ATP2C2: variants seen among roughly 807,000 people sequenced by gnomAD.
The protein encoded by ATP2C2 is calcium-transporting ATPase type 2C member 2.
In ATP2C2, 171 loss-of-function variants were observed where a neutral mutation model predicts 110.8. The ratio of observed to expected loss-of-function variants is 1.54; its 90% CI spans 1.36 to 1.75. The LOEUF (loss-of-function observed/expected upper bound fraction) is 1.75. Among genes scored for constraint, ATP2C2 ranks in the 40% most tolerant of loss-of-function variants. ATP2C2 has a pLI of 0.00. For synonymous variants in ATP2C2, 804 were observed against 508.4 expected (o/e 1.58, Z -7.82); for missense variants, 1,963 against 1,235.0 (o/e 1.59, Z -8.84).
rs1002504471 is a variant in ATP2C2, at chr16:84,408,473, G to C, written c.396G>C (p.Glu132Asp). 1.9e-6 allele frequency: 3 copies of C among 1,613,386 alleles called. No individual in the cohort carries two copies. The highest frequency in any genetic ancestry group is 2.7e-5 in the African/African-American group (2 of 74,870). The change falls in exon 4 of 27, where the codon GAG becomes GAC. Residue 132 changes from glutamate to aspartate, a missense_variant. Glu to Asp is a conservative substitution (Grantham distance 45). Transcript: ENST00000262429. ...ALVSVLTKEYEDAVSIATAVL... is the reference protein window; with the variant it reads ...ALVSVLTKEYDDAVSIATAVL... ...TGAGTGTCCTCACCAAGGAGTATGA[G>C]GACGCCGTCAGCATCGCCACGGTGA...
At chr16:84,383,787 GTTTT>G (rs58587781) in intron 1 of ATP2C2, among the ~76,000 whole-genome samples, 7,359 of 100,602 alleles carry the variant, frequency 0.073, 277 homozygotes, top group Middle Eastern at 0.098. Flanking sequence ...GGTTTTGTTG[GTTTT>G]TTTTTTTTTT....
At chr16:84,444,980 A>G (rs1909610149) in intron 15 of ATP2C2, among the ~76,000 whole-genome samples, 1 of 152,122 alleles carries the variant, frequency 6.6e-6, no homozygotes, top group African/African-American at 2.4e-5. Context: ...GAAATAAAAC[A>G]CCACTGGCTG....
intron 11 of ATP2C2, among the ~76,000 whole-genome samples, chr16:84,435,162 C>T (rs1246466988): frequency 1.3e-5 from 2 of 152,192 alleles, no homozygotes; most frequent in Non-Finnish European, 2.9e-5. Context: ...TTTAATGTAC[C>T]ATATTTCTTT....
intron 7 of ATP2C2, among the ~76,000 whole-genome samples, chr16:84,421,266 C>G (rs1349913758): frequency 6.6e-6 from 1 of 152,208 alleles, no homozygotes; most frequent in African/African-American, 2.4e-5. Flanking sequence ...GACTGCGCAG[C>G]CGGAGGCCTC....
intron 14 of ATP2C2, 56 bp downstream of exon 14, chr16:84,441,014 C>A: frequency 1.4e-6 from 2 of 1,389,638 alleles, no homozygotes; most frequent in Non-Finnish European, 2.0e-6. Context: ...GCTTCTGGGG[C>A]TCCTCTCTGA....
In ATP2C2 at chr16:84,406,205, C is replaced by T. The variant is rs115077998; in HGVS notation, c.327+961C>T. ...CGGTGCTGAATGAATGGCACACAATCAAATGCCTGGAAGCCACTAAGAAGG... is the reference window on the plus strand; with the variant it reads ...CGGTGCTGAATGAATGGCACACAATTAAATGCCTGGAAGCCACTAAGAAGG... On this transcript the variant is annotated intron_variant, in intron 3 of 26. Transcript: ENST00000262429. Among the ~76,000 whole-genome samples, 369 of 152,292 alleles carry T rather than the reference C, an allele frequency of 2.4e-3. 2 individuals carry two copies. The highest frequency in any genetic ancestry group is 8.7e-3 in the African/African-American group (362 of 41,554).
At chr16:84,380,484 TC>T (rs1424010385) in intron 1 of ATP2C2, among the ~76,000 whole-genome samples, 2 of 152,192 alleles carry the variant, frequency 1.3e-5, no homozygotes, top group Non-Finnish European at 2.9e-5. Context: ...GATCCTATTT[TC>T]CCCCGTGACT....
chr16:84,405,007 G>A (rs771540217), intron 2 of ATP2C2, 121 bp from the exon 3 acceptor site: 6 of 855,590 alleles, frequency 7.0e-6, no homozygotes, highest in East Asian at 2.4e-5. Context: ...CACCTTGGTG[G>A]ACAAGCCTGT....
At chr16:84,422,791 G>A (rs1282733335) in intron 9 of ATP2C2, 94 bp downstream of exon 9, 9 of 1,294,008 alleles carry the variant, frequency 7.0e-6, no homozygotes, top group Middle Eastern at 5.0e-4. Flanking sequence ...CCTTAGGAAT[G>A]AGTGGCATGT....
intron 1 of ATP2C2, among the ~76,000 whole-genome samples, chr16:84,387,681 A>C (rs6564026): frequency 1 from 151,710 of 152,324 alleles, 75,551 homozygotes; most frequent in Middle Eastern, 1. Context: ...CAGCCTATTC[A>C]CTTCTCCAAG....
In ATP2C2 at chr16:84,453,209, G is replaced by T; in HGVS notation, c.1903G>T (p.Gly635Cys). The change falls in exon 19 of 27, where the codon GGC becomes TGC. Residue 635 changes from glycine (G) to cysteine (C), a missense_variant. By Grantham distance (159) the Gly-to-Cys change is radical. Coordinates refer to ENST00000262429, the MANE Select transcript of ATP2C2 (RefSeq NM_014861.4). ...GGAGGAGGTGGACAGCGTGGAGAAG[G>T]GCGAGCTGGCCGACCGCGTGGGGAA... is the stretch of plus-strand genomic sequence containing the variant. ...SGEEVDSVEK[G>C]ELADRVGKVS... 6.2e-7 allele frequency: 1 copy of T among 1,613,884 alleles called. No homozygotes were observed. Among genetic ancestry groups the T allele is most frequent in the Admixed American group, 1.7e-5 (1 of 60,006 alleles).
chr16:84,439,157 T>C lies in ATP2C2; in HGVS notation c.987-9T>C. On this transcript the variant is annotated splice_polypyrimidine_tract_variant and intron_variant, in intron 11 of 26. Coordinates refer to ENST00000262429, the MANE Select transcript of ATP2C2 (RefSeq NM_014861.4). ...TGTTAGAGGGGACTCATTTGACCTT[T>C]CGATCCAGCCTGGCTGTGGCGGCCA... The C allele has an allele frequency of 1.2e-6, 2 of 1,612,148 alleles. No homozygotes were observed. Among genetic ancestry groups the C allele is most frequent in the Non-Finnish European group, 1.7e-6 (2 of 1,179,988 alleles).
At chr16:84,407,096 C>G (rs964982515) in intron 3 of ATP2C2, 1 of 152,112 alleles carries the variant, frequency 6.6e-6, no homozygotes, top group Admixed American at 6.5e-5. Flanking sequence ...CTTGCGTATA[C>G]GGGTTCTGTC....
chr16:84,370,828 C>T (rs1057330480), intron 1 of ATP2C2, among the ~76,000 whole-genome samples: 1 of 152,120 alleles, frequency 6.6e-6, no homozygotes, highest in Non-Finnish European at 1.5e-5. Context: ...CCACTTTGAC[C>T]AGTTACCCCA....
chr16:84,406,893 C>T (rs1905820600), intron 3 of ATP2C2, among the ~76,000 whole-genome samples: 2 of 152,178 alleles, frequency 1.3e-5, no homozygotes, highest in Admixed American at 1.3e-4. Context: ...TCGAAACCCA[C>T]CGTGAACATC....
intron 1 of ATP2C2, among the ~76,000 whole-genome samples, chr16:84,396,946 A>T (rs376603111): frequency 6.6e-6 from 1 of 151,578 alleles, no homozygotes; most frequent in African/African-American, 2.4e-5. Flanking sequence ...TTGGGAGGAG[A>T]TGGTTTGGGG....
At chr16:84,459,771 G>C in intron 23 of ATP2C2, 2 of 581,916 alleles carry the variant, frequency 3.4e-6, no homozygotes, top group Non-Finnish European at 6.1e-6. Context: ...GATACACACA[G>C]ACACACTTTT....
chr16:84,453,763 G>C (rs941390199), intron 20 of ATP2C2, among the ~76,000 whole-genome samples: 1 of 152,308 alleles, frequency 6.6e-6, no homozygotes, highest in Admixed American at 6.5e-5. Flanking sequence ...GGGGACCTTT[G>C]CTACATACAG....
In ATP2C2 at chr16:84,425,593, C is replaced by T. The variant is rs141385753; in HGVS notation, c.920-142C>T. 6.9e-5 allele frequency: 62 copies of T among 894,544 alleles called. No homozygotes were observed. The African/African-American group carries it at 9.1e-4, about 13-fold the overall frequency. The allele number at this position is 894,544 out of a possible 1,614,324, so 55.4% of individuals were successfully genotyped here. On this transcript the variant is annotated intron_variant, in intron 10 of 26. Transcript: ENST00000262429. Reference sequence around the variant, plus strand: ...TATCTCCCTTAGAAAAGAGAAGAGACGGGTTGAAAGTGGTTGAGGTTATCA... The same window carrying T: ...TATCTCCCTTAGAAAAGAGAAGAGATGGGTTGAAAGTGGTTGAGGTTATCA...
Sources: allele counts gnomAD v4.1 joint callset (sites outside exome capture counted in the v4.1 genomes callset), GRCh38; gene constraint gnomAD v4.1.1; transcripts MANE v1.5; gene names NCBI Gene and HGNC (gene_info 2026-07-23, HGNC 2026-07-21).